The following FCRL5 variants were observed in gnomAD, a reference collection of about 807,000 sequenced individuals.
The protein encoded by FCRL5 is Fc receptor like 5.
In FCRL5, 79 loss-of-function variants were observed where a neutral mutation model predicts 92.1. The ratio of observed to expected loss-of-function variants is 0.86; its 90% CI spans 0.72 to 1.03. The LOEUF is 1.03. FCRL5 is among the 50% of genes least tolerant of loss of function. The pLI is 0.00. For missense variants in FCRL5, 1,160 were observed against 1,181.1 expected (o/e 0.98, Z 0.26); for synonymous variants, 466 against 469.3 (o/e 0.99, Z 0.09).
intron 2 of FCRL5, among the ~76,000 whole-genome samples, chr1:157,549,194 C>G (rs1286104906): frequency 6.7e-6 from 1 of 148,592 alleles, no homozygotes; most frequent in Non-Finnish European, 1.5e-5. Context: ...GACAAAAAAC[C>G]AAACACCGCA....
intron 7 of FCRL5, among the ~76,000 whole-genome samples, chr1:157,537,176 G>T (rs866391813): frequency 2.6e-5 from 4 of 152,214 alleles, no homozygotes; most frequent in African/African-American, 9.6e-5. Context: ...CCTGTGAGCT[G>T]GGTGGAACAG....
chr1:157,544,746 C>A, intron 4 of FCRL5, 85 bp downstream of exon 4: 2 of 1,546,290 alleles, frequency 1.3e-6, no homozygotes, highest in Admixed American at 3.6e-5. Context: ...GTATTCCAGT[C>A]CACCCTTTTC....
At chr1:157,552,072 A>G (rs1651844986) in intron 1 of FCRL5, among the ~76,000 whole-genome samples, 1 of 152,210 alleles carries the variant, frequency 6.6e-6, no homozygotes, top group Admixed American at 6.5e-5. Flanking sequence ...CTTTTTAAAG[A>G]AAAAAATAAA....
chr1:157,524,713 A>G (rs1039169667), intron 9 of FCRL5, among the ~76,000 whole-genome samples, 156 bp from the exon 10 acceptor site: 1 of 152,272 alleles, frequency 6.6e-6, no homozygotes, highest in African/African-American at 2.4e-5. Context: ...CAGAAAGAAC[A>G]ACATTTGTGT....
At chr1:157,542,825 AG>A (rs2101638216) in intron 6 of FCRL5, 33 bp downstream of exon 6, 2 of 1,593,412 alleles carry the variant, frequency 1.3e-6, no homozygotes, top group Non-Finnish European at 1.7e-6. Context: ...ACTCTTGGCC[AG>A]GGGTGGGTGA....
At position 157,543,029 on chromosome 1, in the gene FCRL5, A is replaced by G. The variant is rs143036401; in HGVS notation, c.953T>C (p.Leu318Ser). Reference protein sequence around the residue: ...CETQEDSLRTLYRFYHEGVPL... With the variant: ...CETQEDSLRTSYRFYHEGVPL... ...GACACCCTCATGATAAAACCTGTAC[A>G]AAGTGCGCAGAGAATCTTCCTGGGT... Residue 318 changes from leucine to serine, a missense_variant, in exon 6 of 17, where the codon TTG (leucine) becomes TCG (serine). Coordinates refer to ENST00000361835, the MANE Select transcript of FCRL5 (RefSeq NM_031281.3). 259 of 1,614,232 alleles carry G rather than the reference A, an allele frequency of 1.6e-4. No individual in the cohort carries two copies. In the African/African-American group the frequency reaches 3.1e-3, roughly 20 times the overall value.
At chr1:157,538,424 A>T (rs1651077148) in intron 7 of FCRL5, among the ~76,000 whole-genome samples, 1 of 152,218 alleles carries the variant, frequency 6.6e-6, no homozygotes, top group Non-Finnish European at 1.5e-5. Flanking sequence ...ATGGTTCAAA[A>T]CTGAGATCCA....
In FCRL5 at chr1:157,521,266, G is replaced by A. The variant is rs1235480691; in HGVS notation, c.2266C>T (p.Leu756Phe). 3 of 1,613,304 alleles carry A rather than the reference G, an allele frequency of 1.9e-6. No homozygotes were observed. The highest frequency in any genetic ancestry group is 1.7e-6 in the Non-Finnish European group (2 of 1,179,786). ...AVPVSRPVLT[L>F]RAPGTHAAVG... The stretch of plus-strand genomic sequence containing the variant: ...GCAGCATGGGTCCCGGGAGCCCTGA[G>A]GGTGAGGACCGGGCGAGACACCGGA... The change falls in exon 11 of 17, where the codon CTC becomes TTC. Residue 756 changes from leucine to phenylalanine, a missense_variant. Physicochemically the swap from Leu to Phe is conservative, Grantham distance 22. Transcript: ENST00000361835.
chr1:157,547,518 T>C lies in FCRL5; in HGVS notation c.53-321A>G, dbSNP rs1651615451. The C allele has an allele frequency of 5.8e-5, 26 of 447,538 alleles. No individual in the cohort carries two copies. The South Asian group carries it at 5.8e-4, about 10-fold the overall frequency. 27.7% of individuals were successfully genotyped at this position (447,538 alleles called of 1,614,324 possible). A position where few individuals can be genotyped will look rare whatever the true frequency, so the allele number is the denominator to read the frequency against. On this transcript the variant is annotated intron_variant, in intron 2 of 16. Transcript: ENST00000361835. ...AATGCTGCGCTGCCATTTCATCATG[T>C]TCATACACTCATAAGAAACTCCAAA...
chr1:157,539,228 G>C lies in FCRL5; in HGVS notation c.1260C>G (p.Ala420=). 1 of 1,614,148 alleles carries C rather than the reference G, an allele frequency of 6.2e-7. No individual in the cohort carries two copies. The change falls in exon 7 of 17, where the codon GCC becomes GCG. Residue 420 remains alanine, a synonymous_variant. Coordinates refer to ENST00000361835, the MANE Select transcript of FCRL5 (RefSeq NM_031281.3). The part of the protein sequence containing the change: ...ILYQFHHEGA[A]LERRSANSAG... Reference sequence around the variant, plus strand: ...CAGAGTTGGCCGACCTACGCTCCAGGGCAGCACCCTCATGATGAAACTGGT... The same window carrying C: ...CAGAGTTGGCCGACCTACGCTCCAGCGCAGCACCCTCATGATGAAACTGGT...
At chr1:157,517,340 C>T (rs1295905844) in intron 15 of FCRL5, among the ~76,000 whole-genome samples, 1 of 152,200 alleles carries the variant, frequency 6.6e-6, no homozygotes. Context: ...AATGTGCCCC[C>T]AAAGATGTCA....
chr1:157,515,933 C>T (rs1328565504), intron 15 of FCRL5, 60 bp from the exon 16 acceptor site: 3 of 1,592,412 alleles, frequency 1.9e-6, no homozygotes, highest in African/African-American at 2.7e-5. Flanking sequence ...TCCCTTGTGC[C>T]TGCGCTGTGG....
chr1:157,534,578 C>T, intron 8 of FCRL5, 36 bp downstream of exon 8: 1 of 1,613,698 alleles, frequency 6.2e-7, no homozygotes, highest in Non-Finnish European at 8.5e-7. Context: ...GAGAACTCAG[C>T]CAGGGGTGGG....
intron 3 of FCRL5, among the ~76,000 whole-genome samples, chr1:157,545,817 C>T (rs373406565): frequency 3.9e-5 from 6 of 152,244 alleles, no homozygotes; most frequent in African/African-American, 1.2e-4. Flanking sequence ...CGTAAGCCAC[C>T]GCGCCTGGCC....
chr1:157,535,943 G>GTTTTTGTTTTTT (rs546504466), intron 7 of FCRL5, among the ~76,000 whole-genome samples: 1 of 90,008 alleles, frequency 1.1e-5, no homozygotes, highest in Non-Finnish European at 2.1e-5. Flanking sequence ...ATGTGACTCA[G>GTTTTTGTTTTTT]TTTTTTTTTT....
At chr1:157,548,595 T>G (rs1440321832) in intron 2 of FCRL5, among the ~76,000 whole-genome samples, 1 of 151,940 alleles carries the variant, frequency 6.6e-6, no homozygotes, top group Non-Finnish European at 1.5e-5. Flanking sequence ...CAAGAAAAAT[T>G]CAAACAACCC....
intron 15 of FCRL5, among the ~76,000 whole-genome samples, chr1:157,516,449 TGTATTGAGCA>T (rs1266778294): frequency 1.3e-5 from 2 of 152,244 alleles, no homozygotes; most frequent in African/African-American, 4.8e-5. Context: ...TCATCTGTCA[TGTATTGAGCA>T]GTTTCTATGT....
At chr1:157,537,911 G>T (rs1651051643) in intron 7 of FCRL5, among the ~76,000 whole-genome samples, 1 of 152,140 alleles carries the variant, frequency 6.6e-6, no homozygotes, top group Non-Finnish European at 1.5e-5. Flanking sequence ...CAGCCACCAG[G>T]TACTTCTAAA....
intron 1 of FCRL5, 35 bp from the exon 2 acceptor site, chr1:157,549,615 A>G (rs1236642592): frequency 6.2e-7 from 1 of 1,600,082 alleles, no homozygotes; most frequent in Middle Eastern, 1.7e-4. Flanking sequence ...TGAGCACAGA[A>G]CCATGATTAT....
Sources: gnomAD v4.1 joint callset for allele counts (sites outside exome capture counted in the v4.1 genomes callset) on GRCh38, gnomAD v4.1.1 for gene constraint, MANE v1.5 for transcripts, NCBI Gene and HGNC (gene_info 2026-07-23, HGNC 2026-07-21) for gene names.